MRTFA: variants seen among roughly 807,000 people sequenced by gnomAD.
MRTFA encodes the protein myocardin related transcription factor A, also known as myocardin-related transcription factor A.
MRTFA carries 20 observed loss-of-function variants against 83.5 expected under a neutral mutation model. The ratio of observed to expected loss-of-function variants is 0.24; its 90% CI spans 0.17 to 0.35. MRTFA has a LOEUF of 0.35. Among genes scored for constraint, MRTFA ranks in the 10% least tolerant of loss-of-function variants. The pLI, the probability that MRTFA is intolerant of heterozygous loss-of-function variation, is 1.00. For synonymous variants in MRTFA, 659 were observed against 541.2 expected, an observed-to-expected ratio of 1.22 and a Z score of -3.02; for missense variants, 1,200 against 1,224.7, an observed-to-expected ratio of 0.98 and a Z score of 0.30.
At chr22:40,502,807 G>C (rs376101437) in intron 3 of MRTFA, among the ~76,000 whole-genome samples, 2 of 152,062 alleles carry the variant, frequency 1.3e-5, no homozygotes, top group Non-Finnish European at 1.5e-5. Flanking sequence ...CAGCTCCGCT[G>C]CCCGCTGAAC....
chr22:40,589,225 C>T (rs939573663), intron 2 of MRTFA, among the ~76,000 whole-genome samples: 1 of 152,046 alleles, frequency 6.6e-6, no homozygotes, highest in African/African-American at 2.4e-5. Flanking sequence ...CCTTGAGCAA[C>T]ATCTATGAGC....
At chr22:40,529,366 G>A (rs527551239) in intron 3 of MRTFA, among the ~76,000 whole-genome samples, 23 of 152,224 alleles carry the variant, frequency 1.5e-4, no homozygotes, top group Non-Finnish European at 3.1e-4. Flanking sequence ...GCCCTGGCTG[G>A]AGTGCAGTGG....
chr22:40,488,517 T>C (rs2054211136), intron 3 of MRTFA, among the ~76,000 whole-genome samples: 1 of 151,654 alleles, frequency 6.6e-6, no homozygotes, highest in South Asian at 2.1e-4. Context: ...ACTCCATCTC[T>C]CTCTTTTTTT....
At chr22:40,599,894 C>A (rs2056237728) in intron 1 of MRTFA, among the ~76,000 whole-genome samples, 1 of 143,284 alleles carries the variant, frequency 7.0e-6, no homozygotes, top group Non-Finnish European at 1.5e-5. Flanking sequence ...GTGAGACACG[C>A]TGTGTCTTTA....
chr22:40,623,806 A>G (rs1216134888), intron 1 of MRTFA, among the ~76,000 whole-genome samples: 2 of 152,216 alleles, frequency 1.3e-5, no homozygotes, highest in Admixed American at 6.5e-5. Flanking sequence ...CAACTATCTT[A>G]TAAGTACATA....
At chr22:40,557,070 A>G (rs1311747527) in intron 2 of MRTFA, among the ~76,000 whole-genome samples, 3 of 152,234 alleles carry the variant, frequency 2.0e-5, no homozygotes, top group Admixed American at 1.3e-4. Context: ...AACTGCAACA[A>G]TAACTCTGTA....
At chr22:40,612,636 T>C (rs139811644) in intron 1 of MRTFA, among the ~76,000 whole-genome samples, 3 of 152,104 alleles carry the variant, frequency 2.0e-5, no homozygotes, top group Non-Finnish European at 4.4e-5. Flanking sequence ...AAATCATCAA[T>C]CTCAATCAAG....
chr22:40,574,397 A>G (rs988794019), intron 2 of MRTFA, among the ~76,000 whole-genome samples: 2 of 152,128 alleles, frequency 1.3e-5, no homozygotes, highest in African/African-American at 2.4e-5. Context: ...ACAATACAGT[A>G]TAACAACTAC....
At chr22:40,432,030 G>A (rs2147095265) in intron 5 of MRTFA, among the ~76,000 whole-genome samples, 1 of 152,272 alleles carries the variant, frequency 6.6e-6, no homozygotes, top group African/African-American at 2.4e-5. Context: ...TGGATCACCT[G>A]AGGTCAGGAG....
At chr22:40,523,909 T>C (rs2054914909) in intron 3 of MRTFA, among the ~76,000 whole-genome samples, 1 of 152,146 alleles carries the variant, frequency 6.6e-6, no homozygotes, top group Non-Finnish European at 1.5e-5. Context: ...CAAGAGAATA[T>C]ACTAAGAAAA....
intron 3 of MRTFA, among the ~76,000 whole-genome samples, chr22:40,509,287 C>A (rs1300925307): frequency 6.6e-6 from 1 of 152,230 alleles, no homozygotes; most frequent in African/African-American, 2.4e-5. Context: ...CACAAAAGAT[C>A]ATCCATTCTA....
chr22:40,612,646 GA>G (rs558930014), intron 1 of MRTFA, among the ~76,000 whole-genome samples: 5 of 150,380 alleles, frequency 3.3e-5, no homozygotes, highest in Admixed American at 6.6e-5. Context: ...TCTCAATCAA[GA>G]AAAAAAAACA....
intron 3 of MRTFA, among the ~76,000 whole-genome samples, chr22:40,516,425 AAAAAAAAAAAAAAAAAAAGGAAAAAG>A (rs1220426013): frequency 1.7e-5 from 2 of 118,200 alleles, no homozygotes; most frequent in East Asian, 3.4e-4. Context: ...GCCTCAAGAA[AAAAAAAAAAAAAAAAAAAGGAAAAAG>A]AAAAAAAAAA....
At chr22:40,620,789 C>T (rs1421509846) in intron 1 of MRTFA, among the ~76,000 whole-genome samples, 3 of 151,950 alleles carry the variant, frequency 2.0e-5, no homozygotes, top group Non-Finnish European at 4.4e-5. Flanking sequence ...GACAAGAACC[C>T]CCAAAATATA....
chr22:40,463,347 A>C (rs2053749377), intron 3 of MRTFA, 61 bp from the exon 4 acceptor site: 47 of 1,437,640 alleles, frequency 3.3e-5, no homozygotes, highest in Non-Finnish European at 4.5e-5. Flanking sequence ...ACCTCAAAAA[A>C]CACATTTTCA....
intron 2 of MRTFA, among the ~76,000 whole-genome samples, chr22:40,568,410 A>C (rs1465770042): frequency 1.3e-5 from 2 of 152,242 alleles, no homozygotes; most frequent in African/African-American, 4.8e-5. Flanking sequence ...ACTTTGATCA[A>C]GGCAGAACCT....
chr22:40,457,529 ATGCAACTTCAGAC>A (rs1450267121), intron 4 of MRTFA, among the ~76,000 whole-genome samples: 2 of 151,996 alleles, frequency 1.3e-5, no homozygotes, highest in Non-Finnish European at 2.9e-5. Context: ...AGAGAGAGAT[ATGCAACTTCAGAC>A]AGAGAGAGAC....
At chr22:40,413,594 A>G (rs2052610164) in intron 14 of MRTFA, among the ~76,000 whole-genome samples, 1 of 151,976 alleles carries the variant, frequency 6.6e-6, no homozygotes, top group Non-Finnish European at 1.5e-5. Context: ...GGTGCCCGCC[A>G]CCATGCCCGG....
At chr22:40,422,384 T>C (rs1340106042) in intron 9 of MRTFA, among the ~76,000 whole-genome samples, 1 of 152,100 alleles carries the variant, frequency 6.6e-6, no homozygotes, top group African/African-American at 2.4e-5. Flanking sequence ...CCAAACGTGG[T>C]AGGCAAAGGA....
Sources: allele counts gnomAD v4.1 joint callset (sites outside exome capture counted in the v4.1 genomes callset), GRCh38; gene constraint gnomAD v4.1.1; transcripts MANE v1.5; gene names NCBI Gene and HGNC (gene_info 2026-07-23, HGNC 2026-07-21).